Variants in METTL24 observed in about 807,000 individuals in gnomAD.
The protein encoded by METTL24 is methyltransferase like 24.
In METTL24, 29 loss-of-function variants were observed where a neutral mutation model predicts 32.7. The observed-to-expected ratio is 0.89, with a 90% CI of 0.66 to 1.21. The LOEUF is 1.21. METTL24 is among the 50% of genes most tolerant of loss of function. METTL24 has a pLI of 0.00. For missense variants in METTL24, 439 were observed against 468.1 expected (o/e 0.94, Z 0.57); for synonymous variants, 163 against 179.5 (o/e 0.91, Z 0.73).
intron 1 of METTL24, among the ~76,000 whole-genome samples, chr6:110,327,208 T>C (rs1316179545): frequency 6.6e-6 from 1 of 152,184 alleles, no homozygotes; most frequent in Admixed American, 6.5e-5. Context: ...TCTCCACTAC[T>C]AGAAGCCCAA....
At position 110,322,830 on chromosome 6, in the gene METTL24, C is replaced by T; in HGVS notation, c.361G>A (p.Ala121Thr). The T allele has an allele frequency of 6.2e-7, 1 of 1,613,932 alleles. No individual in the cohort carries two copies. Among genetic ancestry groups the T allele is most frequent in the Middle Eastern group, 1.7e-4 (1 of 6,058 alleles). ...HIDLQPWAGS[A>T]QSLDEEAWRF... ...CAGGCTTCTTCATCCAGGGACTGAG[C>T]AGAGCCTGCCCAAGGCTGGAGATCT... The change falls in exon 2 of 5, where the codon GCT becomes ACT. Residue 121 changes from alanine (A) to threonine (T), a missense_variant. Coordinates refer to ENST00000338882, the MANE Select transcript of METTL24 (RefSeq NM_001123364.3).
At chr6:110,327,582 T>G (rs567688252) in intron 1 of METTL24, among the ~76,000 whole-genome samples, 2 of 152,328 alleles carry the variant, frequency 1.3e-5, no homozygotes, top group East Asian at 3.9e-4. Flanking sequence ...ACATTTCACA[T>G]AAAGCAATGT....
In METTL24 at chr6:110,288,062, G is replaced by C. The variant is rs77318680; in HGVS notation, c.786+10860C>G. Reference sequence around the variant, plus strand: ...GAATAAAAACAATGAAACTATGACAGTGTCTGTCCTTCACACCAGGGTCTC... The same window carrying C: ...GAATAAAAACAATGAAACTATGACACTGTCTGTCCTTCACACCAGGGTCTC... On this transcript the variant is annotated intron_variant, in intron 4 of 4. Coordinates refer to ENST00000338882, the MANE Select transcript of METTL24 (RefSeq NM_001123364.3). Among the ~76,000 whole-genome samples, 1,040 of 152,336 alleles carry C rather than the reference G, an allele frequency of 6.8e-3. 9 individuals are homozygous for C. The highest frequency in any genetic ancestry group is 0.024 in the African/African-American group (988 of 41,584).
intron 3 of METTL24, among the ~76,000 whole-genome samples, chr6:110,312,851 C>G (rs1244723040): frequency 6.6e-6 from 1 of 152,146 alleles, no homozygotes; most frequent in East Asian, 1.9e-4. Context: ...AATGAAGCAA[C>G]AAAAGCAGAG....
chr6:110,246,722 C>T (rs1206723171), intron 4 of METTL24, among the ~76,000 whole-genome samples: 1 of 152,036 alleles, frequency 6.6e-6, no homozygotes, highest in Non-Finnish European at 1.5e-5. Context: ...ACAAACTATG[C>T]CACCCCAGGA....
chr6:110,268,107 C>T (rs1344299646), intron 4 of METTL24, among the ~76,000 whole-genome samples: 2 of 152,196 alleles, frequency 1.3e-5, no homozygotes, highest in Non-Finnish European at 2.9e-5. Flanking sequence ...CTAAACACTA[C>T]ATGGAATGCC....
intron 4 of METTL24, among the ~76,000 whole-genome samples, chr6:110,298,306 G>T (rs950976393): frequency 2.0e-5 from 3 of 152,188 alleles, no homozygotes; most frequent in African/African-American, 7.2e-5. Flanking sequence ...TGCTTTCAAA[G>T]AACACAGTTC....
intron 4 of METTL24, among the ~76,000 whole-genome samples, chr6:110,258,956 C>G (rs868378931): frequency 2.0e-5 from 3 of 152,132 alleles, no homozygotes; most frequent in African/African-American, 4.8e-5. Flanking sequence ...TAGAAAGAAT[C>G]ACAGTCCCTC....
In METTL24 at chr6:110,280,943, A is replaced by T. The variant is rs1031900123; in HGVS notation, c.786+17979T>A. Among the ~76,000 whole-genome samples, 10 of 152,122 alleles carry T rather than the reference A, an allele frequency of 6.6e-5. No individual in the cohort carries two copies. In the South Asian group the frequency reaches 2.1e-3, roughly 31 times the overall value. On this transcript the variant is annotated intron_variant, in intron 4 of 4. Transcript: ENST00000338882. ...GCTGGGATTACAGGAATGAGCCACC[A>T]TGCCTGGCCTGAGATTATCTATATT...
intron 3 of METTL24, among the ~76,000 whole-genome samples, chr6:110,313,027 A>T: frequency 6.6e-6 from 1 of 152,356 alleles, no homozygotes; most frequent in East Asian, 1.9e-4. Flanking sequence ...TAAAGTTACA[A>T]AGTCATTTAC....
chr6:110,304,234 A>C (rs1422031132), intron 3 of METTL24, among the ~76,000 whole-genome samples: 1 of 152,184 alleles, frequency 6.6e-6, no homozygotes, highest in Non-Finnish European at 1.5e-5. Flanking sequence ...AAAGGCTGAA[A>C]ATTCCAAAAA....
At chr6:110,247,473 C>T (rs570258070) in intron 4 of METTL24, among the ~76,000 whole-genome samples, 6 of 152,082 alleles carry the variant, frequency 3.9e-5, no homozygotes, top group Non-Finnish European at 7.4e-5. Context: ...ATCTGGAGAG[C>T]GAATATGGGT....
chr6:110,282,476 G>A (rs779974291), intron 4 of METTL24, among the ~76,000 whole-genome samples: 3 of 151,992 alleles, frequency 2.0e-5, no homozygotes, highest in Non-Finnish European at 4.4e-5. Flanking sequence ...TTCATGAAAG[G>A]TATCATCACC....
chr6:110,286,496 T>C (rs1418095646), intron 4 of METTL24, among the ~76,000 whole-genome samples: 1 of 152,206 alleles, frequency 6.6e-6, no homozygotes, highest in Non-Finnish European at 1.5e-5. Context: ...TTTTGGTTTG[T>C]TGTCCAGCGT....
Position 110,322,874 on chromosome 6 carries a change from T to C in METTL24, c.319-2A>G. 1 of 1,607,666 alleles carries C rather than the reference T, an allele frequency of 6.2e-7. No homozygotes were observed. Among genetic ancestry groups the C allele is most frequent in the Non-Finnish European group, 8.5e-7 (1 of 1,177,832 alleles). On this transcript the variant is annotated splice_acceptor_variant, in intron 1 of 4. Transcript: ENST00000338882. LOFTEE classifies it high-confidence loss of function. The stretch of plus-strand genomic sequence containing the variant: ...GAGATCTATATGCCACCGGGGACCC[T>C]GCAAGAGACAGAAAACATAGGTTGT...
At chr6:110,282,679 T>G in intron 4 of METTL24, among the ~76,000 whole-genome samples, 1 of 151,134 alleles carries the variant, frequency 6.6e-6, no homozygotes, top group East Asian at 1.9e-4. Flanking sequence ...ATTGCTCTCC[T>G]GTGCCAATAC....
intron 4 of METTL24, among the ~76,000 whole-genome samples, chr6:110,260,508 C>T (rs533080235): frequency 1.4e-3 from 210 of 152,190 alleles, no homozygotes; most frequent in African/African-American, 4.3e-3. Flanking sequence ...CTGAAAGTGA[C>T]GGGGAGAATG....
chr6:110,319,136 A>G (rs1288396463), intron 2 of METTL24, among the ~76,000 whole-genome samples: 2 of 152,140 alleles, frequency 1.3e-5, no homozygotes, highest in Admixed American at 6.5e-5. Flanking sequence ...AAAATTTTGG[A>G]ACTTAAGAAT....
At chr6:110,355,407 T>C (rs1037501261) in intron 1 of METTL24, among the ~76,000 whole-genome samples, 9 of 152,288 alleles carry the variant, frequency 5.9e-5, no homozygotes, top group East Asian at 1.9e-4. Flanking sequence ...CTGTAGAAAG[T>C]AAAGCTACCA....
Sources: allele counts gnomAD v4.1 joint callset (sites outside exome capture counted in the v4.1 genomes callset), GRCh38; gene constraint gnomAD v4.1.1; transcripts MANE v1.5; gene names NCBI Gene and HGNC (gene_info 2026-07-23, HGNC 2026-07-21).